Variants in CUBN observed in about 807,000 individuals in gnomAD.
CUBN encodes the protein 460 kDa receptor.
Under a neutral mutation model 405.3 loss-of-function variants are expected in CUBN, and 282 were observed. That is an observed-to-expected ratio of 0.70 (90% CI 0.63 to 0.77). The LOEUF (loss-of-function observed/expected upper bound fraction) is 0.77, where lower values mean the gene tolerates loss of function less well. Ranked by LOEUF, CUBN falls within the 30% of genes least tolerant of loss-of-function variation. CUBN has a pLI of 0.00. For synonymous variants in CUBN, 1,684 were observed against 1,617.0 expected (o/e 1.04, Z -0.99); for missense variants, 4,514 against 4,475.2 (o/e 1.01, Z -0.25).
chr10:16,860,555 A>T (rs562339649), intron 59 of CUBN, among the ~76,000 whole-genome samples: 1 of 152,336 alleles, frequency 6.6e-6, no homozygotes, highest in East Asian at 1.9e-4. Context: ...CCTACTGATC[A>T]CTAGCTGGAT....
At chr10:16,994,624 G>T (rs1383020876) in intron 28 of CUBN, among the ~76,000 whole-genome samples, 1 of 152,174 alleles carries the variant, frequency 6.6e-6, no homozygotes, top group African/African-American at 2.4e-5. Flanking sequence ...CACAGGCAGG[G>T]ATGTTTAGAC....
chr10:16,985,633 C>T (rs1833396721), intron 29 of CUBN, among the ~76,000 whole-genome samples: 1 of 152,230 alleles, frequency 6.6e-6, no homozygotes, highest in Non-Finnish European at 1.5e-5. Flanking sequence ...CAGGCACCCA[C>T]CACTAGACCG....
chr10:16,925,355 T>G lies in CUBN; in HGVS notation c.6532A>C (p.Ser2178Arg), dbSNP rs756254408. The G allele has an allele frequency of 1.2e-6, 2 of 1,613,970 alleles. No homozygotes were observed. Among genetic ancestry groups the G allele is most frequent in the Non-Finnish European group, 1.7e-6 (2 of 1,179,882 alleles). Residue 2178 changes from serine (S) to arginine (R), a missense_variant, in exon 43 of 67, where the codon AGT becomes CGT. Physicochemically the swap from Ser to Arg is moderately radical, Grantham distance 110. Coordinates refer to ENST00000377833, the MANE Select transcript of CUBN (RefSeq NM_001081.4). ...PPGGNGHFCG[S>R]HASSTLFTSD... Reference sequence around the variant, plus strand: ...GTGAACAGAGTTGATGAAGCATGACTGCCACAAAAATGACCATTTCCTCCA... The same window carrying G: ...GTGAACAGAGTTGATGAAGCATGACGGCCACAAAAATGACCATTTCCTCCA...
At chr10:17,026,689 T>C (rs1181190730) in intron 27 of CUBN, among the ~76,000 whole-genome samples, 7 of 151,928 alleles carry the variant, frequency 4.6e-5, no homozygotes, top group Non-Finnish European at 1.0e-4. Context: ...AGCGCTTCCA[T>C]TGTGGATAAG....
intron 6 of CUBN, among the ~76,000 whole-genome samples, chr10:17,118,243 T>C (rs1373760766): frequency 1.3e-5 from 2 of 152,218 alleles, no homozygotes; most frequent in Non-Finnish European, 2.9e-5. Flanking sequence ...TTCCTTCCTA[T>C]GATCCTCAAA....
chr10:16,831,504 T>A, intron 64 of CUBN, 87 bp from the exon 65 acceptor site: 5 of 1,226,216 alleles, frequency 4.1e-6, no homozygotes, highest in Non-Finnish European at 6.0e-6. Context: ...AATGATGACA[T>A]TGGTCGGAAA....
At position 16,918,691 on chromosome 10, in the gene CUBN, C is replaced by A. The variant is rs1841955844; in HGVS notation, c.6931G>T (p.Val2311Phe). 2.5e-6 allele frequency: 4 copies of A among 1,612,852 alleles called. No individual in the cohort carries two copies. The African/African-American group carries it at 5.3e-5, about 22-fold the overall frequency. The change falls in exon 45 of 67, where the codon GTT (valine) becomes TTT (phenylalanine). Residue 2311 changes from valine (V) to phenylalanine (F), a missense_variant. Around this residue, in one of 5 missense-constraint regions of CUBN, gnomAD observed 1,613 missense variants for 1,542.8 expected, o/e 1.05. Transcript: ENST00000377833. The part of the protein sequence containing the change: ...LPSSQWSSGE[V>F]MYLRFRSDNS... ...TCAGATCGAAATCTCAAATACATAA[C>A]CTCTCCTGAGGACCACTGACTGCTG...
chr10:16,827,662 C>T (rs1373353270), intron 66 of CUBN, among the ~76,000 whole-genome samples: 1 of 152,190 alleles, frequency 6.6e-6, no homozygotes, highest in Non-Finnish European at 1.5e-5. Flanking sequence ...AGTGGAGTGG[C>T]GCCATCTCGG....
At chr10:17,063,922 A>G (rs1564500157) in intron 22 of CUBN, among the ~76,000 whole-genome samples, 1 of 152,228 alleles carries the variant, frequency 6.6e-6, no homozygotes, top group Non-Finnish European at 1.5e-5. Flanking sequence ...AGTTCAAGTG[A>G]CTTGCTCCAA....
chr10:16,904,214 C>T (rs1453222381), intron 50 of CUBN, 99 bp from the exon 51 acceptor site: 7 of 1,134,720 alleles, frequency 6.2e-6, no homozygotes, highest in Non-Finnish European at 9.3e-6. Context: ...TTCATTGACA[C>T]ACACTTAAAT....
At chr10:16,956,362 A>T (rs1030004871) in intron 31 of CUBN, among the ~76,000 whole-genome samples, 5 of 151,948 alleles carry the variant, frequency 3.3e-5, no homozygotes, top group East Asian at 1.9e-4. Context: ...ATGAAACCTG[A>T]TGACTGATTT....
chr10:16,900,581 A>G, intron 53 of CUBN, 44 bp downstream of exon 53: 1 of 1,401,140 alleles, frequency 7.1e-7, no homozygotes, highest in Non-Finnish European at 1.0e-6. Flanking sequence ...TTCATACTAT[A>G]CATCACTAAA....
At chr10:16,860,758 A>G (rs1839989992) in intron 59 of CUBN, among the ~76,000 whole-genome samples, 1 of 152,230 alleles carries the variant, frequency 6.6e-6, no homozygotes, top group Non-Finnish European at 1.5e-5. Flanking sequence ...TATTGATTCT[A>G]TATCTTGAGG....
At chr10:16,933,715 A>G (rs771192996) in intron 39 of CUBN, among the ~76,000 whole-genome samples, 9 of 152,068 alleles carry the variant, frequency 5.9e-5, no homozygotes, top group African/African-American at 1.2e-4. Flanking sequence ...CTCGGGGTCT[A>G]TTTTTGGGCA....
At chr10:16,957,198 A>G (rs1588519069) in intron 31 of CUBN, among the ~76,000 whole-genome samples, 1 of 152,138 alleles carries the variant, frequency 6.6e-6, no homozygotes, top group Admixed American at 6.5e-5. Context: ...CCTCCCTGCT[A>G]CCGTCCCCAG....
chr10:16,882,669 T>C (rs769858452), intron 56 of CUBN, among the ~76,000 whole-genome samples: 4 of 152,140 alleles, frequency 2.6e-5, no homozygotes, highest in Non-Finnish European at 5.9e-5. Context: ...AACCCTTTGT[T>C]TGGGATATTT....
intron 56 of CUBN, among the ~76,000 whole-genome samples, chr10:16,880,018 T>G (rs1241623965): frequency 1.3e-5 from 2 of 152,040 alleles, no homozygotes; most frequent in Non-Finnish European, 2.9e-5. Flanking sequence ...CACACTGGAG[T>G]AGCACAAAGT....
chr10:16,840,073 G>A (rs1187503967), intron 62 of CUBN, among the ~76,000 whole-genome samples: 1 of 127,774 alleles, frequency 7.8e-6, no homozygotes, highest in Non-Finnish European at 1.6e-5. Flanking sequence ...TTGTGGGGTG[G>A]GGGAAGAGGG....
chr10:17,050,311 G>A (rs1835235003), intron 22 of CUBN, among the ~76,000 whole-genome samples: 1 of 152,148 alleles, frequency 6.6e-6, no homozygotes, highest in Non-Finnish European at 1.5e-5. Flanking sequence ...TGTGATTCTT[G>A]ACAGAAAGGA....
Sources: allele counts gnomAD v4.1 joint callset (sites outside exome capture counted in the v4.1 genomes callset), GRCh38; gene constraint gnomAD v4.1.1; regional missense constraint gnomAD v4.1.1; transcripts MANE v1.5; gene names NCBI Gene and HGNC (gene_info 2026-07-23, HGNC 2026-07-21).